The following RBFOX1 variants were observed in gnomAD, a reference collection of about 807,000 sequenced individuals.
RBFOX1 encodes RNA binding fox-1 homolog 1.
RBFOX1 carries 8 observed loss-of-function variants against 57.7 expected under a neutral mutation model. That is an observed-to-expected ratio of 0.14 (90% CI 0.08 to 0.25). RBFOX1 has a LOEUF of 0.25. Ranked by LOEUF, RBFOX1 falls within the 10% of genes least tolerant of loss-of-function variation. RBFOX1 has a pLI of 1.00. For missense variants in RBFOX1, 611 were observed against 548.5 expected, an observed-to-expected ratio of 1.11 and a Z score of -1.14; for synonymous variants, 326 against 222.4, an observed-to-expected ratio of 1.47 and a Z score of -4.15.
rs117785655 is a variant in RBFOX1, at chr16:7,019,366, G to A, written c.-15-32691G>A. Among the ~76,000 whole-genome samples the A allele has an allele frequency of 2.2e-4, 33 of 152,216 alleles. No homozygotes were observed. The East Asian group carries it at 6.0e-3, about 28-fold the overall frequency. Reference sequence around the variant, plus strand: ...CTTTGGAGTAAGACCTTTTAGCTGAGATTCATGGACTTCATGAAAGTATGT... The same window carrying A: ...CTTTGGAGTAAGACCTTTTAGCTGAAATTCATGGACTTCATGAAAGTATGT... On this transcript the variant is annotated intron_variant, in intron 3 of 15. Transcript: ENST00000550418.
chr16:6,540,634 A>G (rs969421115), intron 2 of RBFOX1, among the ~76,000 whole-genome samples: 29 of 150,400 alleles, frequency 1.9e-4, no homozygotes, highest in African/African-American at 6.7e-4. Context: ...AAAAAAAAAA[A>G]AAAACCTCAA....
intron 3 of RBFOX1, among the ~76,000 whole-genome samples, chr16:6,901,135 G>C (rs1249626727): frequency 1.3e-5 from 2 of 152,108 alleles, no homozygotes; most frequent in African/African-American, 4.8e-5. Flanking sequence ...TGTGTTTCCT[G>C]TTAGACTGTC....
intron 1 of RBFOX1, among the ~76,000 whole-genome samples, chr16:6,040,143 T>G (rs527892196): frequency 1.3e-5 from 2 of 152,360 alleles, no homozygotes; most frequent in African/African-American, 4.8e-5. Context: ...AGCCCATAGT[T>G]TACATATTAA....
At chr16:6,448,368 A>G (rs1273012951) in intron 2 of RBFOX1, among the ~76,000 whole-genome samples, 1 of 151,934 alleles carries the variant, frequency 6.6e-6, no homozygotes, top group Non-Finnish European at 1.5e-5. Context: ...CATGTTGACC[A>G]GGCTGGTCTT....
chr16:6,330,293 C>A lies in RBFOX1; in HGVS notation c.-64+13236C>A, dbSNP rs118168774. Among the ~76,000 whole-genome samples, 96 of 152,272 alleles carry A rather than the reference C, an allele frequency of 6.3e-4. 1 individual carries two copies. The East Asian group carries it at 0.017, about 27-fold the overall frequency. ...GCTGAAACAGATTGCAAGCTCCTTT[C>A]CTAAGGCTGACTCTGCAAACATGAG... On this transcript the variant is annotated intron_variant, in intron 2 of 15. Coordinates refer to ENST00000550418, the MANE Select transcript of RBFOX1 (RefSeq NM_018723.4).
In RBFOX1 at chr16:6,863,857, A is replaced by G. The variant is rs566857184; in HGVS notation, c.-15-188200A>G. 8.6e-5 allele frequency among the ~76,000 whole-genome samples: 13 copies of G among 151,496 alleles called. No individual in the cohort carries two copies. The South Asian group carries it at 2.7e-3, about 32-fold the overall frequency. On this transcript the variant is annotated intron_variant, in intron 3 of 15. Coordinates refer to ENST00000550418, the MANE Select transcript of RBFOX1 (RefSeq NM_018723.4). The stretch of plus-strand genomic sequence containing the variant: ...ATCAGGTAACCAGAAACAAATACCA[A>G]GTTCTTTACTGGTATTTTGAATGTT...
intron 3 of RBFOX1, among the ~76,000 whole-genome samples, chr16:5,623,383 C>G (rs190412997): frequency 6.6e-6 from 1 of 152,150 alleles, no homozygotes; most frequent in Non-Finnish European, 1.5e-5. Context: ...ATGTACTGCA[C>G]TGAACAAAAC....
At chr16:7,192,824 G>C (rs2085757873) in intron 4 of RBFOX1, among the ~76,000 whole-genome samples, 1 of 152,088 alleles carries the variant, frequency 6.6e-6, no homozygotes, top group African/African-American at 2.4e-5. Context: ...AGTAAAATTG[G>C]AACATACAAA....
intron 3 of RBFOX1, among the ~76,000 whole-genome samples, chr16:7,010,420 C>A (rs543666142): frequency 1.3e-5 from 2 of 152,026 alleles, no homozygotes; most frequent in Non-Finnish European, 2.9e-5. Flanking sequence ...TATGCATTGG[C>A]CAGTGAGACC....
intron 2 of RBFOX1, among the ~76,000 whole-genome samples, chr16:6,523,766 A>T: frequency 6.6e-6 from 1 of 152,302 alleles, no homozygotes; most frequent in South Asian, 2.1e-4. Flanking sequence ...AAAAGCGACT[A>T]TTACATCCTC....
chr16:6,500,393 T>A (rs2095876661), intron 2 of RBFOX1, among the ~76,000 whole-genome samples: 3 of 152,134 alleles, frequency 2.0e-5, no homozygotes, highest in African/African-American at 7.2e-5. Flanking sequence ...CACTAGAGGA[T>A]ATTCACTGAC....
At chr16:5,704,955 G>A (rs1313046394) in intron 3 of RBFOX1, among the ~76,000 whole-genome samples, 2 of 152,228 alleles carry the variant, frequency 1.3e-5, no homozygotes, top group East Asian at 1.9e-4. Context: ...GAGGCAGTGG[G>A]AAAACCTGCT....
At chr16:7,195,670 A>G (rs1001508457) in intron 4 of RBFOX1, among the ~76,000 whole-genome samples, 1 of 152,144 alleles carries the variant, frequency 6.6e-6, no homozygotes, top group East Asian at 1.9e-4. Flanking sequence ...CGATAGCCTC[A>G]GCCTCCCGAG....
intron 3 of RBFOX1, among the ~76,000 whole-genome samples, chr16:5,769,278 G>C (rs2053896289): frequency 6.6e-6 from 1 of 151,958 alleles, no homozygotes; most frequent in African/African-American, 2.4e-5. Flanking sequence ...GGTGTTTATG[G>C]AGCTAATCAA....
intron 2 of RBFOX1, among the ~76,000 whole-genome samples, chr16:5,566,991 C>A (rs921702831): frequency 6.6e-6 from 1 of 152,104 alleles, no homozygotes; most frequent in African/African-American, 2.4e-5. Context: ...GTCCAAATAC[C>A]CTAACACATT....
At chr16:5,285,345 G>T (rs1469934531) in intron 1 of RBFOX1, among the ~76,000 whole-genome samples, 1 of 147,198 alleles carries the variant, frequency 6.8e-6, no homozygotes, top group Non-Finnish European at 1.5e-5. Context: ...TTCTCATTCA[G>T]ATCATGAATT....
At chr16:7,209,980 C>G (rs145081953) in intron 4 of RBFOX1, among the ~76,000 whole-genome samples, 1 of 152,182 alleles carries the variant, frequency 6.6e-6, no homozygotes, top group Non-Finnish European at 1.5e-5. Flanking sequence ...TTCACCTGTG[C>G]TTATTAAACT....
At chr16:5,531,213 G>T (rs752827215) in intron 2 of RBFOX1, among the ~76,000 whole-genome samples, 4 of 152,140 alleles carry the variant, frequency 2.6e-5, no homozygotes, top group Non-Finnish European at 5.9e-5. Context: ...GGAGTTGTTC[G>T]TCAGCCCACC....
chr16:5,349,573 G>A (rs1236669968), intron 1 of RBFOX1, among the ~76,000 whole-genome samples: 4 of 150,412 alleles, frequency 2.7e-5, no homozygotes, highest in South Asian at 2.1e-4. Context: ...CTCAGGAGGC[G>A]GAGGCAGGAG....
Sources: gnomAD v4.1 joint callset for allele counts (sites outside exome capture counted in the v4.1 genomes callset) on GRCh38, gnomAD v4.1.1 for gene constraint, MANE v1.5 for transcripts, NCBI Gene and HGNC (gene_info 2026-07-23, HGNC 2026-07-21) for gene names.